EXOC4: variants seen among roughly 807,000 people sequenced by gnomAD.
EXOC4 encodes the protein exocyst complex component 4, also known as SEC8-like 1.
A neutral mutation model predicts 107.2 loss-of-function variants in EXOC4; 71 were observed. The observed-to-expected ratio is 0.66, with a 90% confidence interval of 0.55 to 0.81. EXOC4 has a LOEUF of 0.81. Ranked by LOEUF, EXOC4 falls within the 30% of genes least tolerant of loss-of-function variation. EXOC4 has a pLI of 0.00. For missense variants in EXOC4, 1,108 were observed against 1,189.6 expected (o/e 0.93, Z 1.01); for synonymous variants, 456 against 441.2 (o/e 1.03, Z -0.42).
intron 5 of EXOC4, among the ~76,000 whole-genome samples, chr7:133,353,755 G>A (rs1245352241): frequency 1.3e-5 from 2 of 151,540 alleles, no homozygotes; most frequent in Non-Finnish European, 2.9e-5. Context: ...TCTCCTTTCA[G>A]AGCTCCCACA....
At chr7:133,472,463 A>G (rs1364417435) in intron 7 of EXOC4, among the ~76,000 whole-genome samples, 2 of 152,212 alleles carry the variant, frequency 1.3e-5, no homozygotes, top group Non-Finnish European at 2.9e-5. Flanking sequence ...TAGTGAAAAT[A>G]AGAAACTACC....
chr7:133,595,606 G>T (rs1008620103), intron 9 of EXOC4, among the ~76,000 whole-genome samples: 10 of 152,082 alleles, frequency 6.6e-5, no homozygotes, highest in Admixed American at 2.0e-4. Context: ...TTTAATCCTT[G>T]TTATAGCCTT....
chr7:133,265,412 A>T (rs1247208213), intron 1 of EXOC4, among the ~76,000 whole-genome samples: 1 of 151,908 alleles, frequency 6.6e-6, no homozygotes, highest in Non-Finnish European at 1.5e-5. Context: ...TCTAAAAAAA[A>T]AAAAAAATTC....
chr7:133,581,983 C>T (rs546995981), intron 9 of EXOC4, among the ~76,000 whole-genome samples: 27 of 151,956 alleles, frequency 1.8e-4, no homozygotes, highest in Non-Finnish European at 3.4e-4. Flanking sequence ...GTGAGAACTC[C>T]GTCACTATCA....
At chr7:133,966,742 G>T (rs1445881277) in intron 14 of EXOC4, among the ~76,000 whole-genome samples, 1 of 152,284 alleles carries the variant, frequency 6.6e-6, no homozygotes, top group Non-Finnish European at 1.5e-5. Flanking sequence ...TTTTATTGAG[G>T]ATTTTCACAT....
At chr7:133,564,484 C>G (rs1389114237) in intron 9 of EXOC4, among the ~76,000 whole-genome samples, 1 of 152,140 alleles carries the variant, frequency 6.6e-6, no homozygotes, top group Non-Finnish European at 1.5e-5. Flanking sequence ...CAAACCATAT[C>G]ACAGGTCAAA....
At chr7:133,578,197 T>C (rs1314222248) in intron 9 of EXOC4, among the ~76,000 whole-genome samples, 2 of 152,212 alleles carry the variant, frequency 1.3e-5, no homozygotes, top group African/African-American at 4.8e-5. Flanking sequence ...CTTTTGGTCC[T>C]ATTTATCCCT....
chr7:133,759,424 A>G (rs769572855), intron 10 of EXOC4, among the ~76,000 whole-genome samples: 14 of 152,242 alleles, frequency 9.2e-5, no homozygotes, highest in Non-Finnish European at 1.6e-4. Flanking sequence ...AAAATAGTAC[A>G]TAGCTGCACT....
At chr7:133,867,221 C>A (rs946792502) in intron 11 of EXOC4, among the ~76,000 whole-genome samples, 1 of 152,178 alleles carries the variant, frequency 6.6e-6, no homozygotes, top group African/African-American at 2.4e-5. Flanking sequence ...ATTTATCTTC[C>A]CTGTGCCTCA....
At chr7:133,956,323 G>A (rs1294759439) in intron 14 of EXOC4, among the ~76,000 whole-genome samples, 2 of 152,124 alleles carry the variant, frequency 1.3e-5, no homozygotes, top group Non-Finnish European at 2.9e-5. Flanking sequence ...GCTCAAATAG[G>A]ATGGGATTTT....
intron 9 of EXOC4, among the ~76,000 whole-genome samples, chr7:133,534,584 A>T (rs918847741): frequency 2.0e-5 from 3 of 152,176 alleles, no homozygotes; most frequent in Non-Finnish European, 4.4e-5. Flanking sequence ...AAGGGCTAGG[A>T]AATGTTTTCT....
chr7:133,786,778 A>G (rs1374518300), intron 10 of EXOC4, among the ~76,000 whole-genome samples: 2 of 152,220 alleles, frequency 1.3e-5, no homozygotes, highest in Non-Finnish European at 2.9e-5. Flanking sequence ...CATCCTGGCT[A>G]TTAGAAGACT....
intron 9 of EXOC4, among the ~76,000 whole-genome samples, chr7:133,585,280 G>C (rs1445498774): frequency 1.3e-5 from 2 of 152,094 alleles, no homozygotes; most frequent in African/African-American, 4.8e-5. Flanking sequence ...CTAAACTTTA[G>C]GTTTCTTATG....
rs1231533088 is a variant in EXOC4 at position 133,480,224 on chromosome 7, C to G, written c.1417+86C>G. On this transcript the variant is annotated intron_variant, in intron 9 of 17. Coordinates refer to ENST00000253861, the MANE Select transcript of EXOC4 (RefSeq NM_021807.4). ...CATGAGTTTGTGTCCTGCATTCACA[C>G]GATCCTTTCAAGGTAACAAACACTT... 3 of 1,563,028 alleles carry G rather than the reference C, an allele frequency of 1.9e-6. No homozygotes were observed. In the East Asian group the frequency reaches 7.0e-5, roughly 36 times the overall value.
intron 2 of EXOC4, among the ~76,000 whole-genome samples, chr7:133,275,401 C>T (rs1487903885): frequency 6.6e-6 from 1 of 152,128 alleles, no homozygotes; most frequent in Non-Finnish European, 1.5e-5. Context: ...GCCATTATTT[C>T]TCACTGCAGT....
At chr7:133,514,045 C>A (rs1354065414) in intron 9 of EXOC4, among the ~76,000 whole-genome samples, 4 of 152,028 alleles carry the variant, frequency 2.6e-5, no homozygotes, top group Admixed American at 2.6e-4. Context: ...GTTTGTTATA[C>A]TCAGACATTG....
intron 11 of EXOC4, among the ~76,000 whole-genome samples, chr7:133,859,329 G>C (rs989972417): frequency 2.1e-4 from 32 of 152,118 alleles, no homozygotes; most frequent in African/African-American, 7.5e-4. Context: ...GAGCTTTTCT[G>C]AATATGACAA....
intron 17 of EXOC4, among the ~76,000 whole-genome samples, chr7:134,051,667 G>A (rs1320547451): frequency 1.1e-4 from 8 of 75,690 alleles, no homozygotes; most frequent in South Asian, 5.0e-4. Context: ...GCGAGACTCC[G>A]TCTCAAAAAA....
intron 6 of EXOC4, among the ~76,000 whole-genome samples, chr7:133,365,623 TAGTC>T (rs1488471732): frequency 6.6e-6 from 1 of 152,198 alleles, no homozygotes; most frequent in East Asian, 1.9e-4. Context: ...GATGGAGAAT[TAGTC>T]AGCACTCTTT....
Sources: gnomAD v4.1 joint callset for allele counts (sites outside exome capture counted in the v4.1 genomes callset) on GRCh38, gnomAD v4.1.1 for gene constraint, MANE v1.5 for transcripts, NCBI Gene and HGNC (gene_info 2026-07-23, HGNC 2026-07-21) for gene names.